The following JAG1 variants were observed in gnomAD, a reference collection of about 807,000 sequenced individuals.
The protein encoded by JAG1 is jagged canonical Notch ligand 1, also known as protein jagged-1.
A neutral mutation model predicts 148.7 loss-of-function variants in JAG1; 23 were observed. The ratio of observed to expected loss-of-function variants is 0.15; its 90% confidence interval spans 0.11 to 0.22. The LOEUF (loss-of-function observed/expected upper bound fraction) is 0.22, where lower values mean the gene tolerates loss of function less well. Among genes scored for constraint, JAG1 ranks in the 10% least tolerant of loss-of-function variants. The pLI is 1.00. For missense variants in JAG1, 1,054 were observed against 1,611.2 expected, an observed-to-expected ratio of 0.65 and a Z score of 5.92; for synonymous variants, 572 against 598.3, an observed-to-expected ratio of 0.96 and a Z score of 0.64.
At chr20:10,671,248 C>T (rs1035429254) in intron 2 of JAG1, among the ~76,000 whole-genome samples, 1 of 152,210 alleles carries the variant, frequency 6.6e-6, no homozygotes, top group Non-Finnish European at 1.5e-5. Context: ...GCTTAAAGTT[C>T]TCCCTAATAG....
At chr20:10,641,375 G>A (rs1192363464) in intron 23 of JAG1, 85 bp downstream of exon 23, 4 of 1,501,468 alleles carry the variant, frequency 2.7e-6, no homozygotes, top group Middle Eastern at 2.0e-4. Flanking sequence ...CTAGGGAGAA[G>A]TAGATCCTAG....
rs952580171 is a variant in JAG1, at chr20:10,641,591, G to C, written c.2785C>G (p.Pro929Ala). ...PILDDQCFVHPCTGVGECRSS... is the reference protein window; with the variant it reads ...PILDDQCFVHACTGVGECRSS... ...CGACACTCGCCCACACCAGTGCAGG[G>C]GTGGACGAAGCACTGGTCGTCCAGG... The change falls in exon 23 of 26, where the codon CCC becomes GCC. Residue 929 changes from proline to alanine, a missense_variant. By Grantham distance (27) the Pro-to-Ala change is conservative (BLOSUM62 -1). Transcript: ENST00000254958. The C allele has an allele frequency of 6.2e-7, 1 of 1,613,934 alleles. No homozygotes were observed. The highest frequency in any genetic ancestry group is 1.3e-5 in the African/African-American group (1 of 74,948).
rs142808131 is a variant in JAG1 at position 10,647,069 on chromosome 20, G to A, written c.1755C>T (p.Asn585=). The A allele has an allele frequency of 4.7e-4, 758 of 1,614,206 alleles. No homozygotes were observed. The highest frequency in any genetic ancestry group is 7.5e-4 in the African/African-American group (56 of 75,052). The stretch of plus-strand genomic sequence containing the variant: ...TATACCGCACCCCTTCAGGTGTGTC[G>A]TTGGAAGCCATGGCCACTGTGCAGC... ...IDSCTVAMAS[N]DTPEGVRYIS... The change falls in exon 14 of 26, where the codon AAC becomes AAT. Residue 585 remains asparagine (N), a synonymous_variant. Coordinates refer to ENST00000254958, the MANE Select transcript of JAG1 (RefSeq NM_000214.3).
intron 5 of JAG1, chr20:10,652,821 A>T: frequency 1.5e-5 from 7 of 466,784 alleles, no homozygotes; most frequent in South Asian, 1.4e-4. Flanking sequence ...GCTGTTTGGG[A>T]AGAGGCCAGC....
intron 2 of JAG1, among the ~76,000 whole-genome samples, chr20:10,666,941 G>C (rs760908799): frequency 2.6e-5 from 4 of 152,236 alleles, no homozygotes; most frequent in Non-Finnish European, 2.9e-5. Flanking sequence ...CCACACTTAG[G>C]CTGCTGTGCC....
chr20:10,649,220 G>A (rs567933715), intron 10 of JAG1, 113 bp from the exon 11 acceptor site: 74 of 786,234 alleles, frequency 9.4e-5, no homozygotes, highest in Non-Finnish European at 1.6e-4. Flanking sequence ...TTTCCTGTGT[G>A]CTTTCCGTGA....
rs1274309167 is a variant in JAG1 at position 10,637,964 on chromosome 20, C to T, written c.*1534G>A. ...AGAACTACGTAAGCTCAGAAGAGGC[C>T]ACACTGTTCCATGTTTTCATACAAA... On this transcript the variant is annotated 3_prime_UTR_variant, in exon 26 of 26. Transcript: ENST00000254958. 1 of 152,448 alleles carries T rather than the reference C, an allele frequency of 6.6e-6. No homozygotes were observed. Among genetic ancestry groups the T allele is most frequent in the East Asian group, 1.9e-4 (1 of 5,206 alleles). 9.4% of individuals were successfully genotyped at this position (152,448 alleles called of 1,614,324 possible). A position where few individuals can be genotyped will look rare whatever the true frequency, so the allele number is the denominator to read the frequency against.
intron 20 of JAG1, 108 bp downstream of exon 20, chr20:10,643,670 G>T: frequency 1.2e-6 from 1 of 843,404 alleles, no homozygotes; most frequent in Non-Finnish European, 2.0e-6. Flanking sequence ...CTCTATGAGA[G>T]CTACTTAAAG....
intron 2 of JAG1, among the ~76,000 whole-genome samples, chr20:10,671,588 G>T (rs781291797): frequency 7.2e-5 from 11 of 152,076 alleles, no homozygotes; most frequent in Non-Finnish European, 1.3e-4. Flanking sequence ...AGCACGTGGT[G>T]GAAAGCAATG....
At position 10,672,948 on chromosome 20, in the gene JAG1, C is replaced by G. The variant is rs1485034173; in HGVS notation, c.140G>C (p.Gly47Ala). 1 of 1,613,016 alleles carries G rather than the reference C, an allele frequency of 6.2e-7. No homozygotes were observed. Among genetic ancestry groups the G allele is most frequent in the Non-Finnish European group, 8.5e-7 (1 of 1,180,014 alleles). Residue 47 changes from glycine (G) to alanine (A), a missense_variant, in exon 2 of 26, where the codon GGG becomes GCG. By Grantham distance (60) the Gly-to-Ala change is moderately conservative. Around this residue, in one of 6 missense-constraint regions of JAG1, gnomAD observed 151 missense variants for 211.1 expected, o/e 0.72. Coordinates refer to ENST00000254958, the MANE Select transcript of JAG1 (RefSeq NM_000214.3). ...GCAGCAGTTCCCGTTCTGCAGCTCC[C>G]CGTTCACGTTCTGCATGGACAGGAT... is the stretch of plus-strand genomic sequence containing the variant. Reference protein sequence around the residue: ...LEILSMQNVNGELQNGNCCGG... With the variant: ...LEILSMQNVNAELQNGNCCGG...
intron 8 of JAG1, chr20:10,651,281 G>T: frequency 5.6e-6 from 2 of 356,848 alleles, no homozygotes; most frequent in Non-Finnish European, 1.1e-5. Flanking sequence ...CTCCATGGCT[G>T]CAAGAAGAAT....
At chr20:10,655,586 T>C (rs2067373422) in intron 5 of JAG1, among the ~76,000 whole-genome samples, 1 of 152,166 alleles carries the variant, frequency 6.6e-6, no homozygotes, top group Non-Finnish European at 1.5e-5. Context: ...AAGATTCCCT[T>C]TACTCATGTC....
chr20:10,639,276 C>A lies in JAG1; in HGVS notation c.*222G>T. ...GTGTCGGCTGCAAGGGGACACACAA[C>A]CAGGGTACTGTTGACTAGCTTTTTG... On this transcript the variant is annotated 3_prime_UTR_variant, in exon 26 of 26. Transcript: ENST00000254958. 1.6e-6 allele frequency: 1 copy of A among 608,620 alleles called. No individual in the cohort carries two copies. The highest frequency in any genetic ancestry group is 3.0e-6 in the Non-Finnish European group (1 of 331,834). 37.7% of individuals were successfully genotyped at this position (608,620 alleles called of 1,614,324 possible). A position where few individuals can be genotyped will look rare whatever the true frequency, so the allele number is the denominator to read the frequency against.
intron 8 of JAG1, 114 bp downstream of exon 8, chr20:10,651,467 C>T (rs2067345792): frequency 2.9e-6 from 2 of 699,666 alleles, no homozygotes; most frequent in African/African-American, 1.8e-5. Flanking sequence ...TAGGCCTGCA[C>T]CCGCCCCTCT....
In JAG1 at chr20:10,672,935, G is replaced by A. The variant is rs2067507683; in HGVS notation, c.153C>T (p.Asn51=). 1 of 1,613,122 alleles carries A rather than the reference G, an allele frequency of 6.2e-7. No individual in the cohort carries two copies. Among genetic ancestry groups the A allele is most frequent in the African/African-American group, 1.3e-5 (1 of 75,040 alleles). ...TCCGGGCGCCGCCGCAGCAGTTCCC[G>A]TTCTGCAGCTCCCCGTTCACGTTCT... ...SMQNVNGELQ[N]GNCCGGARNP... is the part of the protein sequence containing the mutation. Residue 51 remains asparagine (N), a synonymous_variant, in exon 2 of 26, where the codon AAC becomes AAT. Transcript: ENST00000254958.
intron 5 of JAG1, among the ~76,000 whole-genome samples, chr20:10,654,180 G>A (rs2067363875): frequency 6.6e-6 from 1 of 152,094 alleles, no homozygotes; most frequent in Non-Finnish European, 1.5e-5. Flanking sequence ...AGGATCACTA[G>A]CCCTCTTCAA....
intron 19 of JAG1, 66 bp downstream of exon 19, chr20:10,644,291 C>CACACAT: frequency 9.0e-7 from 1 of 1,115,880 alleles, no homozygotes; most frequent in Admixed American, 2.1e-5. Flanking sequence ...CACACACACA[C>CACACAT]ACACACACAC....
rs368162343 is a variant in JAG1, at chr20:10,639,650, G to C, written c.3505C>G (p.Arg1169Gly). ...DDMDKHQQKA[R>G]FAKQPAYTLV... ...GTGTACGCCGGCTGCTTGGCAAACC[G>C]GGCTTTCTGCTGGTGTTTGTCCATG... Residue 1169 changes from arginine to glycine, a missense_variant, in exon 26 of 26, where the codon CGG (arginine) becomes GGG (glycine). Around this residue, in one of 6 missense-constraint regions of JAG1, gnomAD observed 177 missense variants for 177.3 expected, o/e 1.00. Transcript: ENST00000254958. The C allele has an allele frequency of 7.4e-6, 12 of 1,614,170 alleles. No homozygotes were observed. In the African/African-American group the frequency reaches 1.6e-4, roughly 22 times the overall value.
At chr20:10,667,127 A>G (rs1446055421) in intron 2 of JAG1, among the ~76,000 whole-genome samples, 1 of 152,240 alleles carries the variant, frequency 6.6e-6, no homozygotes, top group African/African-American at 2.4e-5. Flanking sequence ...AGCCCTGAGA[A>G]GCGGCTGCCT....
Sources: allele counts gnomAD v4.1 joint callset (sites outside exome capture counted in the v4.1 genomes callset), GRCh38; gene constraint gnomAD v4.1.1; regional missense constraint gnomAD v4.1.1; transcripts MANE v1.5; gene names NCBI Gene and HGNC (gene_info 2026-07-23, HGNC 2026-07-21).